The following SIPA1L2 variants were observed in gnomAD, a reference collection of about 807,000 sequenced individuals.
The protein encoded by SIPA1L2 is signal-induced proliferation-associated 1-like protein 2.
SIPA1L2 carries 56 observed loss-of-function variants against 163.9 expected under a neutral mutation model. The observed-to-expected ratio is 0.34, with a 90% confidence interval of 0.28 to 0.43. SIPA1L2 has a LOEUF of 0.43. Ranked by LOEUF, SIPA1L2 falls within the 20% of genes least tolerant of loss-of-function variation. The pLI, the probability that SIPA1L2 is intolerant of heterozygous loss-of-function variation, is 1.00. For synonymous variants in SIPA1L2, 877 were observed against 865.7 expected, an observed-to-expected ratio of 1.01 and a Z score of -0.23; for missense variants, 1,974 against 2,193.5, an observed-to-expected ratio of 0.90 and a Z score of 2.00.
At chr1:232,446,834 G>A (rs888476094) in intron 10 of SIPA1L2, among the ~76,000 whole-genome samples, 1 of 152,216 alleles carries the variant, frequency 6.6e-6, no homozygotes, top group African/African-American at 2.4e-5. Flanking sequence ...ATTGCCCACA[G>A]AGCAGACGCC....
chr1:232,588,563 C>T (rs1188651316), intron 1 of SIPA1L2, among the ~76,000 whole-genome samples: 1 of 152,182 alleles, frequency 6.6e-6, no homozygotes, highest in Admixed American at 6.5e-5. Context: ...GATAGGGTTT[C>T]AGGATCTACA....
intron 18 of SIPA1L2, among the ~76,000 whole-genome samples, chr1:232,417,886 C>G (rs1052086415): frequency 6.6e-6 from 1 of 152,186 alleles, no homozygotes; most frequent in African/African-American, 2.4e-5. Context: ...CTGTGAGGGC[C>G]GCGGAGGTCA....
chr1:232,626,263 G>A (rs1477255457), intron 1 of SIPA1L2, among the ~76,000 whole-genome samples: 2 of 134,622 alleles, frequency 1.5e-5, no homozygotes, highest in East Asian at 2.2e-4. Flanking sequence ...ACAGGTAGAC[G>A]AAAACAAAAG....
intron 3 of SIPA1L2, among the ~76,000 whole-genome samples, chr1:232,504,766 A>G (rs1028775065): frequency 6.6e-6 from 1 of 152,206 alleles, no homozygotes; most frequent in African/African-American, 2.4e-5. Flanking sequence ...TTTCACAAAA[A>G]TAAACTCAGT....
chr1:232,530,347 C>T (rs566379286), intron 2 of SIPA1L2, among the ~76,000 whole-genome samples: 386 of 152,218 alleles, frequency 2.5e-3, no homozygotes, highest in African/African-American at 8.9e-3. Context: ...ATCTCCTGAC[C>T]TCGTGATCCA....
chr1:232,436,966 T>C (rs1461703054), intron 15 of SIPA1L2, among the ~76,000 whole-genome samples: 1 of 152,116 alleles, frequency 6.6e-6, no homozygotes, highest in Non-Finnish European at 1.5e-5. Context: ...ATCTATCACT[T>C]ATACAACAGC....
intron 2 of SIPA1L2, among the ~76,000 whole-genome samples, chr1:232,521,964 C>G (rs1240230644): frequency 6.6e-6 from 1 of 152,100 alleles, no homozygotes; most frequent in Non-Finnish European, 1.5e-5. Flanking sequence ...CTCCCTGCAC[C>G]CAAATCTGTT....
intron 1 of SIPA1L2, among the ~76,000 whole-genome samples, chr1:232,603,394 G>A (rs747572935): frequency 6.7e-6 from 1 of 148,428 alleles, no homozygotes. Flanking sequence ...TGAGACCCCA[G>A]TGTTTAAAAG....
chr1:232,476,268 C>T (rs1665040447), intron 7 of SIPA1L2, among the ~76,000 whole-genome samples: 1 of 152,098 alleles, frequency 6.6e-6, no homozygotes, highest in African/African-American at 2.4e-5. Flanking sequence ...AGAGGAAGAC[C>T]AGTATCCTTT....
At chr1:232,539,225 T>A (rs761438976) in intron 2 of SIPA1L2, among the ~76,000 whole-genome samples, 8 of 152,188 alleles carry the variant, frequency 5.3e-5, no homozygotes, top group Middle Eastern at 3.2e-3. Context: ...ACCCTTGGGG[T>A]AGGGTCTTAT....
intron 15 of SIPA1L2, among the ~76,000 whole-genome samples, chr1:232,436,402 A>T (rs535673375): frequency 1.3e-5 from 2 of 152,158 alleles, no homozygotes; most frequent in Non-Finnish European, 2.9e-5. Context: ...AAAATAACAC[A>T]CGGGTCAGGG....
chr1:232,455,951 G>C (rs950612618), intron 10 of SIPA1L2, among the ~76,000 whole-genome samples: 4 of 152,092 alleles, frequency 2.6e-5, no homozygotes, highest in African/African-American at 7.2e-5. Flanking sequence ...GGCTTATTGA[G>C]GGTGAAGGGT....
At chr1:232,549,644 C>A (rs994711768) in intron 2 of SIPA1L2, among the ~76,000 whole-genome samples, 2 of 152,002 alleles carry the variant, frequency 1.3e-5, no homozygotes, top group African/African-American at 4.8e-5. Context: ...AGGCAGGGTA[C>A]CACCATTCAC....
intron 12 of SIPA1L2, among the ~76,000 whole-genome samples, chr1:232,442,471 C>T (rs1235204736): frequency 6.6e-6 from 1 of 150,652 alleles, no homozygotes; most frequent in Admixed American, 6.6e-5. Flanking sequence ...CTGCTTGAAC[C>T]CGGGAGGCAG....
chr1:232,434,765 T>C (rs564137068), intron 15 of SIPA1L2, among the ~76,000 whole-genome samples: 48 of 152,166 alleles, frequency 3.2e-4, no homozygotes, highest in Non-Finnish European at 6.3e-4. Context: ...GAAAGGATAG[T>C]AGCATAAACA....
chr1:232,596,331 T>G (rs6669599), intron 1 of SIPA1L2, among the ~76,000 whole-genome samples: 61,235 of 151,978 alleles, frequency 0.4, 12,596 homozygotes, highest in Middle Eastern at 0.46. Flanking sequence ...AACACTCACA[T>G]GCTATAAGAA....
At chr1:232,404,090 A>G in intron 20 of SIPA1L2, 35 bp downstream of exon 20, 3 of 1,612,340 alleles carry the variant, frequency 1.9e-6, no homozygotes, top group Non-Finnish European at 2.5e-6. Context: ...AGGTTACAGG[A>G]TATCAGGAGC....
intron 1 of SIPA1L2, among the ~76,000 whole-genome samples, chr1:232,579,283 G>C (rs1028325694): frequency 1.6e-5 from 2 of 127,280 alleles, no homozygotes; most frequent in African/African-American, 5.8e-5. Context: ...TCTGGGGAAA[G>C]CCAGCATCAA....
Position 232,461,717 on chromosome 1 carries a change from C to G in SIPA1L2, c.2821-556G>C, listed in dbSNP as rs1351626788. Among the ~76,000 whole-genome samples, 4 of 152,310 alleles carry G rather than the reference C, an allele frequency of 2.6e-5. No homozygotes were observed. The East Asian group carries it at 7.7e-4, about 29-fold the overall frequency. On this transcript the variant is annotated intron_variant, in intron 9 of 22. Coordinates refer to ENST00000674635, the MANE Select transcript of SIPA1L2 (RefSeq NM_020808.5). ...ACTTGAAAGCTAACGCTTAAGAGCCCACTCTGAGGTTCAGGAAGGGCAGTG... is the reference window on the plus strand; with the variant it reads ...ACTTGAAAGCTAACGCTTAAGAGCCGACTCTGAGGTTCAGGAAGGGCAGTG...
Sources: gnomAD v4.1 joint callset for allele counts (sites outside exome capture counted in the v4.1 genomes callset) on GRCh38, gnomAD v4.1.1 for gene constraint, MANE v1.5 for transcripts, NCBI Gene and HGNC (gene_info 2026-07-23, HGNC 2026-07-21) for gene names.